The following GAB1 variants were observed in gnomAD, a reference collection of about 807,000 sequenced individuals.
The protein encoded by GAB1 is GRB2 associated binding protein 1, also known as GRB2-associated-binding protein 1.
GAB1 carries 19 observed loss-of-function variants against 66.5 expected under a neutral mutation model. That is an observed-to-expected ratio of 0.29 (90% confidence interval 0.20 to 0.42). The LOEUF (loss-of-function observed/expected upper bound fraction) is 0.42. Among genes scored for constraint, GAB1 ranks in the 10% least tolerant of loss-of-function variants. The pLI is 1.00. For missense variants in GAB1, 732 were observed against 858.5 expected (o/e 0.85, Z 1.84); for synonymous variants, 294 against 301.4 (o/e 0.98, Z 0.25).
At position 143,474,512 on chromosome 4, in the gene GAB1, G is replaced by A. The variant is rs1405716224; in HGVS notation, c.*5323G>A. 6.6e-6 allele frequency: 1 copy of A among 152,174 alleles called. No individual in the cohort carries two copies. Among genetic ancestry groups the A allele is most frequent in the Admixed American group, 6.5e-5 (1 of 15,272 alleles). The allele number at this position is 152,174 out of a possible 1,614,324, so 9.4% of individuals were successfully genotyped here. A position where few individuals can be genotyped will look rare whatever the true frequency, so the allele number is the denominator to read the frequency against. On this transcript the variant is annotated 3_prime_UTR_variant, in exon 10 of 10. Transcript: ENST00000262994. Reference sequence around the variant, plus strand: ...GATGTTGCTGTGAATATATTTTGTAGATGTGATTAACATTTACAATCAGTT... The same window carrying A: ...GATGTTGCTGTGAATATATTTTGTAAATGTGATTAACATTTACAATCAGTT...
At chr4:143,397,930 G>A (rs565314112) in intron 1 of GAB1, among the ~76,000 whole-genome samples, 1 of 152,336 alleles carries the variant, frequency 6.6e-6, no homozygotes, top group South Asian at 2.1e-4. Flanking sequence ...TGGCTGAAGG[G>A]TTTTGTCCAA....
At chr4:143,392,878 T>G (rs1270111868) in intron 1 of GAB1, among the ~76,000 whole-genome samples, 1 of 152,164 alleles carries the variant, frequency 6.6e-6, no homozygotes, top group Non-Finnish European at 1.5e-5. Flanking sequence ...ATCTGAGGTT[T>G]TTTACTTCTG....
intron 1 of GAB1, among the ~76,000 whole-genome samples, chr4:143,402,269 G>T (rs1375619377): frequency 6.6e-6 from 1 of 152,118 alleles, no homozygotes; most frequent in Admixed American, 6.5e-5. Flanking sequence ...GATCCAGGTT[G>T]ATTGAAGCAT....
chr4:143,391,880 T>C (rs1369478561), intron 1 of GAB1, among the ~76,000 whole-genome samples: 1 of 152,196 alleles, frequency 6.6e-6, no homozygotes, highest in Non-Finnish European at 1.5e-5. Context: ...GTTAGAGAGC[T>C]AGTGTTATAA....
chr4:143,391,987 T>C (rs763693777), intron 1 of GAB1, among the ~76,000 whole-genome samples: 1 of 152,230 alleles, frequency 6.6e-6, no homozygotes, highest in Non-Finnish European at 1.5e-5. Flanking sequence ...AATGAAATAA[T>C]GTCCTGAGCT....
In GAB1 at chr4:143,378,414, T is replaced by C. The variant is rs527283886; in HGVS notation, c.73-37063T>C. ...CAAACTGTAAAGTCCTATGCAAATA[T>C]ACAATATATGTTCTGGTTCTTTTCT... On this transcript the variant is annotated intron_variant, in intron 1 of 9. Transcript: ENST00000262994. Among the ~76,000 whole-genome samples the C allele has an allele frequency of 3.9e-5, 6 of 152,356 alleles. No homozygotes were observed. The East Asian group carries it at 9.6e-4, about 24-fold the overall frequency.
intron 1 of GAB1, among the ~76,000 whole-genome samples, chr4:143,387,802 CT>C (rs1730988019): frequency 6.6e-6 from 1 of 152,148 alleles, no homozygotes; most frequent in Non-Finnish European, 1.5e-5. Context: ...AAAGCCAAGC[CT>C]CTAAGGTCCT....
At chr4:143,385,251 A>C (rs1368053917) in intron 1 of GAB1, among the ~76,000 whole-genome samples, 1 of 152,220 alleles carries the variant, frequency 6.6e-6, no homozygotes, top group Non-Finnish European at 1.5e-5. Flanking sequence ...ACTAGATATT[A>C]ATTAGTTCCT....
chr4:143,380,516 A>G (rs1730613417), intron 1 of GAB1: 1 of 152,228 alleles, frequency 6.6e-6, no homozygotes, highest in Non-Finnish European at 1.5e-5. Context: ...TTGAAAATTC[A>G]AAGACTTAGA....
chr4:143,424,687 C>T (rs369285472), intron 2 of GAB1: 31 of 161,468 alleles, frequency 1.9e-4, no homozygotes, highest in African/African-American at 6.5e-4. Context: ...AGGCTGGGCA[C>T]GGTGGCTCCC....
At chr4:143,426,804 G>A (rs143310751) in intron 2 of GAB1, among the ~76,000 whole-genome samples, 131 of 152,280 alleles carry the variant, frequency 8.6e-4, no homozygotes, top group African/African-American at 3.1e-3. Flanking sequence ...AAACATGCTT[G>A]TGGTACATTT....
intron 8 of GAB1, among the ~76,000 whole-genome samples, 183 bp downstream of exon 8, chr4:143,460,670 G>A (rs1433383026): frequency 6.6e-6 from 1 of 151,806 alleles, no homozygotes; most frequent in Non-Finnish European, 1.5e-5. Flanking sequence ...AAAGGTGAAA[G>A]TAAACTGTAA....
intron 1 of GAB1, among the ~76,000 whole-genome samples, chr4:143,373,887 T>TATATA (rs1560726049): frequency 2.0e-5 from 2 of 98,248 alleles, no homozygotes; most frequent in African/African-American, 4.4e-5. Flanking sequence ...ATATATATAT[T>TATATA]TTTACCTTTC....
chr4:143,416,881 G>A (rs761407328), intron 2 of GAB1, among the ~76,000 whole-genome samples: 5 of 152,224 alleles, frequency 3.3e-5, no homozygotes, highest in Non-Finnish European at 7.3e-5. Flanking sequence ...GCCAAGGTCT[G>A]ATTGCAAACA....
chr4:143,425,543 G>C, intron 2 of GAB1: 1 of 762,888 alleles, frequency 1.3e-6, no homozygotes, highest in African/African-American at 1.7e-5. Flanking sequence ...GCAACAACAA[G>C]GGAGCTCACT....
rs1422326796 is a variant in GAB1, at chr4:143,457,152, T to C, written c.1586-2233T>C. Among the ~76,000 whole-genome samples the C allele has an allele frequency of 3.3e-5, 5 of 152,186 alleles. No individual in the cohort carries two copies. In the East Asian group the frequency reaches 9.6e-4, roughly 29 times the overall value. ...AACTTGCTTCTCTAGAAGAGTCTTG[T>C]TCAGGAGGTGCAGGAATAGATTAAG... On this transcript the variant is annotated intron_variant, in intron 6 of 9. Coordinates refer to ENST00000262994, the MANE Select transcript of GAB1 (RefSeq NM_002039.4).
Position 143,378,067 on chromosome 4 carries a change from A to G in GAB1, c.73-37410A>G, listed in dbSNP as rs1294026734. 3.3e-5 allele frequency among the ~76,000 whole-genome samples: 5 copies of G among 152,344 alleles called. No homozygotes were observed. The East Asian group carries it at 7.7e-4, about 23-fold the overall frequency. ...CACACGCTTTGCCGTACAAGGGGCA[A>G]TGATGTATAGCGTATAAAAACACTG... On this transcript the variant is annotated intron_variant, in intron 1 of 9. Coordinates refer to ENST00000262994, the MANE Select transcript of GAB1 (RefSeq NM_002039.4).
At chr4:143,412,756 G>C (rs1732464320) in intron 1 of GAB1, among the ~76,000 whole-genome samples, 1 of 152,118 alleles carries the variant, frequency 6.6e-6, no homozygotes, top group Non-Finnish European at 1.5e-5. Context: ...GTATTTAGGG[G>C]AAAACATGTG....
chr4:143,442,148 A>AGATCACTGAACC (rs1560773930), intron 6 of GAB1, among the ~76,000 whole-genome samples: 2 of 152,262 alleles, frequency 1.3e-5, no homozygotes. Context: ...TAATTGGTTC[A>AGATCACTGAACC]TACAGATCAC....
Sources: allele counts gnomAD v4.1 joint callset (sites outside exome capture counted in the v4.1 genomes callset), GRCh38; gene constraint gnomAD v4.1.1; transcripts MANE v1.5; gene names NCBI Gene and HGNC (gene_info 2026-07-23, HGNC 2026-07-21).